OTOP1: variants seen among roughly 807,000 people sequenced by gnomAD.
The protein encoded by OTOP1 is otopetrin 1, also known as proton channel OTOP1.
A neutral mutation model predicts 52.9 loss-of-function variants in OTOP1; 59 were observed. The ratio of observed to expected loss-of-function variants is 1.12; its 90% confidence interval spans 0.91 to 1.39. The LOEUF (loss-of-function observed/expected upper bound fraction) is 1.39, where lower values mean the gene tolerates loss of function less well. Among genes scored for constraint, OTOP1 ranks in the 40% most tolerant of loss-of-function variants. The pLI is 0.00. For synonymous variants in OTOP1, 317 were observed against 337.7 expected, an observed-to-expected ratio of 0.94 and a Z score of 0.67; for missense variants, 761 against 800.9, an observed-to-expected ratio of 0.95 and a Z score of 0.60.
chr4:4,190,429 A>G (rs1716476433), intron 5 of OTOP1, among the ~76,000 whole-genome samples: 1 of 152,200 alleles, frequency 6.6e-6, no homozygotes, highest in Admixed American at 6.5e-5. Context: ...AGCCAAGATC[A>G]TGCCACTGCA....
rs565582302 is a variant in OTOP1, at chr4:4,208,215, T to C, written c.541-2085A>G. Among the ~76,000 whole-genome samples, 9 of 152,334 alleles carry C rather than the reference T, an allele frequency of 5.9e-5. No individual in the cohort carries two copies. The South Asian group carries it at 1.7e-3, about 28-fold the overall frequency. ...CAACACAGCTATTTTAGGGTAAAGATCTTGGAGCCCACAAGGAATTTCCTA... is the reference window on the plus strand; with the variant it reads ...CAACACAGCTATTTTAGGGTAAAGACCTTGGAGCCCACAAGGAATTTCCTA... On this transcript the variant is annotated intron_variant, in intron 2 of 5. Transcript: ENST00000296358.
chr4:4,214,426 C>T (rs768036029), intron 1 of OTOP1, among the ~76,000 whole-genome samples: 4 of 152,158 alleles, frequency 2.6e-5, no homozygotes, highest in Non-Finnish European at 4.4e-5. Flanking sequence ...ACTATTATGG[C>T]ATGATCTGGC....
intron 3 of OTOP1, among the ~76,000 whole-genome samples, chr4:4,205,441 A>G (rs1716881502): frequency 6.6e-6 from 1 of 152,196 alleles, no homozygotes; most frequent in Admixed American, 6.5e-5. Context: ...TTTCCTGCAT[A>G]CAGAAAGAGA....
intron 3 of OTOP1, 89 bp from the exon 4 acceptor site, chr4:4,202,667 GGCTCCTTCTCA>G: frequency 6.6e-7 from 1 of 1,507,830 alleles, no homozygotes; most frequent in Middle Eastern, 1.9e-4. Flanking sequence ...ACAAATACAT[GGCTCCTTCTCA>G]GCCATGATTC....
chr4:4,197,297 C>G lies in OTOP1; in HGVS notation c.1537G>C (p.Glu513Gln). Residue 513 changes from glutamate to glutamine, a missense_variant, in exon 5 of 6, where the codon GAG (glutamate) becomes CAG (glutamine). Coordinates refer to ENST00000296358, the MANE Select transcript of OTOP1 (RefSeq NM_177998.3). Reference protein sequence around the residue: ...VCMRESHDKEEEKQEESSWGG... With the variant: ...VCMRESHDKEQEKQEESSWGG... Reference sequence around the variant, plus strand: ...CAGCTGCTCTCCTCCTGCTTCTCCTCCTCCTTGTCATGGCTTTCTCTCATG... The same window carrying G: ...CAGCTGCTCTCCTCCTGCTTCTCCTGCTCCTTGTCATGGCTTTCTCTCATG... 3 of 1,614,158 alleles carry G rather than the reference C, an allele frequency of 1.9e-6. No individual in the cohort carries two copies. The highest frequency in any genetic ancestry group is 2.5e-6 in the Non-Finnish European group (3 of 1,180,040).
intron 1 of OTOP1, among the ~76,000 whole-genome samples, chr4:4,218,952 T>C (rs1432824350): frequency 6.6e-6 from 1 of 151,162 alleles, no homozygotes; most frequent in Non-Finnish European, 1.5e-5. Flanking sequence ...TGAAGTAATA[T>C]GCATCTGATT....
intron 1 of OTOP1, 43 bp from the exon 2 acceptor site, chr4:4,213,047 A>G (rs1717059920): frequency 1.3e-6 from 2 of 1,590,878 alleles, no homozygotes; most frequent in African/African-American, 2.7e-5. Flanking sequence ...CACACATTGC[A>G]TTAACATACA....
intron 2 of OTOP1, among the ~76,000 whole-genome samples, chr4:4,206,901 A>C (rs1716916919): frequency 6.6e-6 from 1 of 152,212 alleles, no homozygotes; most frequent in Non-Finnish European, 1.5e-5. Context: ...AATTTACTGA[A>C]ATTGTCTGAG....
At chr4:4,192,927 TG>T (rs1287102543) in intron 5 of OTOP1, among the ~76,000 whole-genome samples, 4 of 152,182 alleles carry the variant, frequency 2.6e-5, no homozygotes, top group Non-Finnish European at 5.9e-5. Flanking sequence ...GTTTCAGTTT[TG>T]CCAGACGAGA....
chr4:4,224,962 T>G (rs1190618716), intron 1 of OTOP1, among the ~76,000 whole-genome samples: 1 of 152,202 alleles, frequency 6.6e-6, no homozygotes, highest in African/African-American at 2.4e-5. Context: ...AGCCACCTCA[T>G]CAGTCACTGG....
At chr4:4,218,945 AG>A (rs1717211387) in intron 1 of OTOP1, among the ~76,000 whole-genome samples, 1 of 152,128 alleles carries the variant, frequency 6.6e-6, no homozygotes. Flanking sequence ...AAAAGAATGA[AG>A]TAATATGCAT....
rs1430437335 is a variant in OTOP1 at position 4,198,011 on chromosome 4, T to C, written c.823A>G (p.Ile275Val). The change falls in exon 5 of 6, where the codon ATA becomes GTA. Residue 275 changes from isoleucine to valine, a missense_variant. Coordinates refer to ENST00000296358, the MANE Select transcript of OTOP1 (RefSeq NM_177998.3). ...GTGGAGGCCAGGATCTGATACTCTA[T>C]GTTGAAGGGGTAGAGGTAGTAGATC... ...HGIYYLYPFN[I>V]EYQILASTML... 3 of 1,613,860 alleles carry C rather than the reference T, an allele frequency of 1.9e-6. No individual in the cohort carries two copies. The highest frequency in any genetic ancestry group is 1.3e-5 in the African/African-American group (1 of 74,852).
chr4:4,217,105 C>T (rs1048808657), intron 1 of OTOP1, among the ~76,000 whole-genome samples: 1 of 152,170 alleles, frequency 6.6e-6, no homozygotes. Flanking sequence ...GGAATAAATA[C>T]TTTACATATT....
chr4:4,209,248 T>G (rs1716973738), intron 2 of OTOP1, among the ~76,000 whole-genome samples: 1 of 152,216 alleles, frequency 6.6e-6, no homozygotes, highest in Non-Finnish European at 1.5e-5. Flanking sequence ...TCCTGATATC[T>G]ACAGGTTTGG....
intron 1 of OTOP1, among the ~76,000 whole-genome samples, chr4:4,218,160 G>A (rs535163679): frequency 1.3e-5 from 2 of 152,234 alleles, no homozygotes; most frequent in East Asian, 3.9e-4. Flanking sequence ...GGGAGGCCGA[G>A]GCAGATGGAT....
At chr4:4,211,260 T>G (rs1349392002) in intron 2 of OTOP1, among the ~76,000 whole-genome samples, 1 of 152,192 alleles carries the variant, frequency 6.6e-6, no homozygotes, top group Non-Finnish European at 1.5e-5. Flanking sequence ...ATCCCTGGTT[T>G]TCTAGAGGTA....
chr4:4,194,637 C>G (rs1414311789), intron 5 of OTOP1, among the ~76,000 whole-genome samples: 21 of 152,344 alleles, frequency 1.4e-4, no homozygotes. Context: ...TATGCACCAT[C>G]TGAAATTCAG....
chr4:4,214,140 A>C (rs1169785776), intron 1 of OTOP1, among the ~76,000 whole-genome samples: 3 of 152,202 alleles, frequency 2.0e-5, no homozygotes, highest in Non-Finnish European at 4.4e-5. Context: ...AAATTGGCAA[A>C]GGACATGAAT....
chr4:4,199,401 G>A (rs568047826), intron 4 of OTOP1, among the ~76,000 whole-genome samples: 1 of 151,882 alleles, frequency 6.6e-6, no homozygotes, highest in South Asian at 2.1e-4. Context: ...GGTATTTTGG[G>A]GGTTTTTTTG....
Sources: gnomAD v4.1 joint callset for allele counts (sites outside exome capture counted in the v4.1 genomes callset) on GRCh38, gnomAD v4.1.1 for gene constraint, MANE v1.5 for transcripts, NCBI Gene and HGNC (gene_info 2026-07-23, HGNC 2026-07-21) for gene names.